Variants in TGFBR3 observed in about 807,000 individuals in gnomAD.
TGFBR3 encodes the protein transforming growth factor beta receptor 3, also known as transforming growth factor beta receptor type 3.
TGFBR3 carries 46 observed loss-of-function variants against 87.9 expected under a neutral mutation model. The observed-to-expected ratio is 0.52, with a 90% CI of 0.41 to 0.67. The LOEUF (loss-of-function observed/expected upper bound fraction) is 0.67, where lower values mean the gene tolerates loss of function less well. Among genes scored for constraint, TGFBR3 ranks in the 30% least tolerant of loss-of-function variants. The probability of loss-of-function intolerance (pLI) is 0.00; values close to 1 mark genes in which losing one functional copy is unlikely to be tolerated. For synonymous variants in TGFBR3, 381 were observed against 391.6 expected, an observed-to-expected ratio of 0.97 and a Z score of 0.32; for missense variants, 866 against 1,041.9, an observed-to-expected ratio of 0.83 and a Z score of 2.32.
At chr1:91,745,930 G>A (rs889438364) in intron 4 of TGFBR3, among the ~76,000 whole-genome samples, 3 of 151,918 alleles carry the variant, frequency 2.0e-5, no homozygotes, top group Non-Finnish European at 2.9e-5. Flanking sequence ...AAAATTCTTG[G>A]GTGATTTTAT....
chr1:91,719,832 G>A, intron 9 of TGFBR3, 61 bp downstream of exon 9: 1 of 1,572,600 alleles, frequency 6.4e-7, no homozygotes. Flanking sequence ...TACAGATGCA[G>A]ACTAGGGCCA....
At chr1:91,882,731 CGA>C (rs1231147116) in intron 1 of TGFBR3, among the ~76,000 whole-genome samples, 5 of 151,820 alleles carry the variant, frequency 3.3e-5, no homozygotes, top group Non-Finnish European at 7.4e-5. Flanking sequence ...GGCGACAGAG[CGA>C]GAGACTCCAT....
intron 4 of TGFBR3, among the ~76,000 whole-genome samples, chr1:91,736,949 T>A (rs1571457841): frequency 6.6e-6 from 1 of 152,332 alleles, no homozygotes; most frequent in East Asian, 1.9e-4. Flanking sequence ...ACTGGTGCAT[T>A]CCAGAGGCAA....
chr1:91,848,155 C>T (rs1012691390), intron 2 of TGFBR3, among the ~76,000 whole-genome samples: 1 of 152,182 alleles, frequency 6.6e-6, no homozygotes, highest in Non-Finnish European at 1.5e-5. Flanking sequence ...GTTGTAAAGG[C>T]ATGCTAAAAT....
chr1:91,839,210 TCAAA>T (rs1475155028), intron 2 of TGFBR3, among the ~76,000 whole-genome samples: 1 of 152,160 alleles, frequency 6.6e-6, no homozygotes, highest in Non-Finnish European at 1.5e-5. Context: ...ACTCCTGGGC[TCAAA>T]CAATCTTCCC....
chr1:91,862,956 C>T (rs1181405622), intron 1 of TGFBR3, among the ~76,000 whole-genome samples: 1 of 151,790 alleles, frequency 6.6e-6, no homozygotes, highest in Non-Finnish European at 1.5e-5. Flanking sequence ...GATAACAGTA[C>T]AAAAAAAATT....
chr1:91,695,494 A>C (rs1671403633), intron 16 of TGFBR3, 178 bp downstream of exon 16: 3 of 651,414 alleles, frequency 4.6e-6, no homozygotes. Context: ...TTTTCTTTCC[A>C]CTGTTTATGG....
At chr1:91,862,289 A>G (rs1678233140) in intron 1 of TGFBR3, among the ~76,000 whole-genome samples, 1 of 152,192 alleles carries the variant, frequency 6.6e-6, no homozygotes, top group Admixed American at 6.5e-5. Context: ...GATACATGCA[A>G]CCCTAGTGCC....
At chr1:91,781,988 G>T (rs1474421072) in intron 3 of TGFBR3, among the ~76,000 whole-genome samples, 1 of 152,170 alleles carries the variant, frequency 6.6e-6, no homozygotes, top group African/African-American at 2.4e-5. Flanking sequence ...GTTCACAATG[G>T]TAATATTACC....
At position 91,700,268 on chromosome 1, in the gene TGFBR3, C is replaced by G. The variant is rs1164700415; in HGVS notation, c.2288-2138G>C. The stretch of plus-strand genomic sequence containing the variant: ...ATGTTTAGCACCTCTCTTTTCATCT[C>G]CATTTTCATTCACCACAGAAGGAAC... On this transcript the variant is annotated intron_variant, in intron 14 of 16. Transcript: ENST00000212355. Among the ~76,000 whole-genome samples the G allele has an allele frequency of 2.0e-5, 3 of 152,288 alleles. No individual in the cohort carries two copies. The East Asian group carries it at 5.8e-4, about 29-fold the overall frequency.
At chr1:91,840,128 G>T (rs1379441325) in intron 2 of TGFBR3, among the ~76,000 whole-genome samples, 1 of 150,984 alleles carries the variant, frequency 6.6e-6, no homozygotes, top group East Asian at 1.9e-4. Flanking sequence ...TGGCCAACAT[G>T]ATGAAATCCC....
At chr1:91,700,193 G>A (rs1183446020) in intron 14 of TGFBR3, among the ~76,000 whole-genome samples, 1 of 152,126 alleles carries the variant, frequency 6.6e-6, no homozygotes. Flanking sequence ...AAAGTGTGCT[G>A]AGTCCTGCTA....
chr1:91,883,926 A>T, intron 1 of TGFBR3, among the ~76,000 whole-genome samples: 1 of 152,202 alleles, frequency 6.6e-6, no homozygotes. Context: ...GGGGGTAAGA[A>T]TTATTTCCCT....
At position 91,696,788 on chromosome 1, in the gene TGFBR3, T is replaced by C. The variant is rs568041915; in HGVS notation, c.2330-1009A>G. Among the ~76,000 whole-genome samples, 53 of 152,300 alleles carry C rather than the reference T, an allele frequency of 3.5e-4. 1 individual carries two copies. In the South Asian group the frequency reaches 8.3e-3, roughly 24 times the overall value. On this transcript the variant is annotated intron_variant, in intron 15 of 16. Coordinates refer to ENST00000212355, the MANE Select transcript of TGFBR3 (RefSeq NM_003243.5). ...AGAAGCAACTCCAGTGATCTCTGTA[T>C]AAATTAAATCCCTGCCTTTCAACTC... is the stretch of plus-strand genomic sequence containing the variant.
intron 3 of TGFBR3, among the ~76,000 whole-genome samples, chr1:91,779,172 C>T (rs1337068542): frequency 1.3e-5 from 2 of 152,170 alleles, no homozygotes; most frequent in Admixed American, 6.5e-5. Flanking sequence ...AACTTCGTGA[C>T]TGGACGGAAG....
Position 91,756,423 on chromosome 1 carries a change from G to A in TGFBR3, c.384+2190C>T, listed in dbSNP as rs572405518. ...TAGAATGGGTCCCATCTAGGTTTGA[G>A]TACCAACTCTGCAAGTAACTAGCCA... On this transcript the variant is annotated intron_variant, in intron 4 of 16. Coordinates refer to ENST00000212355, the MANE Select transcript of TGFBR3 (RefSeq NM_003243.5). 3.3e-4 allele frequency among the ~76,000 whole-genome samples: 50 copies of A among 152,178 alleles called. 1 individual carries two copies. The highest frequency in any genetic ancestry group is 1.2e-3 in the African/African-American group (49 of 41,518).
In TGFBR3 at chr1:91,719,429, C is replaced by T. The variant is rs1255025839; in HGVS notation, c.1449G>A (p.Leu483=). The change falls in exon 10 of 17, where the codon TTG becomes TTA. Residue 483 remains leucine, a synonymous_variant. Coordinates refer to ENST00000212355, the MANE Select transcript of TGFBR3 (RefSeq NM_003243.5). Reference sequence around the variant, plus strand: ...TCATCTTGGCCTTGCAGGTAGGATCCAACAGGGTGACGTCCATCCCCGAGT... The same window carrying T: ...TCATCTTGGCCTTGCAGGTAGGATCTAACAGGGTGACGTCCATCCCCGAGT... ...SGYSGMDVTL[L]DPTCKAKMNG... is the part of the protein sequence containing the mutation. 1.2e-6 allele frequency: 2 copies of T among 1,614,132 alleles called. No homozygotes were observed. The highest frequency in any genetic ancestry group is 4.5e-5 in the East Asian group (2 of 44,854).
At chr1:91,813,073 C>T (rs1676083712) in intron 2 of TGFBR3, among the ~76,000 whole-genome samples, 1 of 152,130 alleles carries the variant, frequency 6.6e-6, no homozygotes, top group African/African-American at 2.4e-5. Flanking sequence ...GAAGATGGCT[C>T]CCCAACCCAT....
chr1:91,884,568 C>G (rs1018370214), intron 1 of TGFBR3, among the ~76,000 whole-genome samples: 6 of 152,194 alleles, frequency 3.9e-5, no homozygotes, highest in African/African-American at 1.4e-4. Context: ...CCTGCACTTG[C>G]CGCTCTCCGC....
Sources: gnomAD v4.1 joint callset for allele counts (sites outside exome capture counted in the v4.1 genomes callset) on GRCh38, gnomAD v4.1.1 for gene constraint, MANE v1.5 for transcripts, NCBI Gene and HGNC (gene_info 2026-07-23, HGNC 2026-07-21) for gene names.